Variants in RHOJ observed in about 807,000 individuals in gnomAD.
RHOJ encodes the protein ras homolog family member J, also known as rho-related GTP-binding protein RhoJ.
A neutral mutation model predicts 23.4 loss-of-function variants in RHOJ; 11 were observed. That is an observed-to-expected ratio of 0.47 (90% CI 0.30 to 0.78). The LOEUF is 0.78. Ranked by LOEUF, RHOJ falls within the 30% of genes least tolerant of loss-of-function variation. The pLI, the probability that RHOJ is intolerant of heterozygous loss-of-function variation, is 0.08. For synonymous variants in RHOJ, 102 were observed against 102.7 expected (o/e 0.99, Z 0.04); for missense variants, 254 against 273.4 (o/e 0.93, Z 0.50).
chr14:63,292,816 T>G lies in RHOJ; in HGVS notation c.*1792T>G, dbSNP rs1437763594. 1 of 152,028 alleles carries G rather than the reference T, an allele frequency of 6.6e-6. No homozygotes were observed. Among genetic ancestry groups the G allele is most frequent in the African/African-American group, 2.4e-5 (1 of 41,360 alleles). The allele number at this position is 152,028 out of a possible 1,614,324, so 9.4% of individuals were successfully genotyped here. A position where few individuals can be genotyped will look rare whatever the true frequency, so the allele number is the denominator to read the frequency against. Reference sequence around the variant, plus strand: ...AAAATTAAAAATTAGTCAGTTGTAGTGACACATACCTGTAGTCCCAGCTAC... The same window carrying G: ...AAAATTAAAAATTAGTCAGTTGTAGGGACACATACCTGTAGTCCCAGCTAC... On this transcript the variant is annotated 3_prime_UTR_variant, in exon 5 of 5. Transcript: ENST00000316754.
At chr14:63,241,356 C>T (rs1388946336) in intron 1 of RHOJ, among the ~76,000 whole-genome samples, 1 of 152,108 alleles carries the variant, frequency 6.6e-6, no homozygotes, top group African/African-American at 2.4e-5. Context: ...GGCACAGAGA[C>T]AGGGAGAGAG....
In RHOJ at chr14:63,291,608, A is replaced by T. The variant is rs897948761; in HGVS notation, c.*584A>T. The T allele has an allele frequency of 6.3e-6, 1 of 158,540 alleles. No homozygotes were observed. Among genetic ancestry groups the T allele is most frequent in the African/African-American group, 2.4e-5 (1 of 41,464 alleles). 9.8% of individuals were successfully genotyped at this position (158,540 alleles called of 1,614,324 possible). A position where few individuals can be genotyped will look rare whatever the true frequency, so the allele number is the denominator to read the frequency against. On this transcript the variant is annotated 3_prime_UTR_variant, in exon 5 of 5. Coordinates refer to ENST00000316754, the MANE Select transcript of RHOJ (RefSeq NM_020663.5). ...TCATTTCTATTTTCAGCATGTTTCT[A>T]CCAAAGCTATTAGAACCAACACGTA...
intron 1 of RHOJ, among the ~76,000 whole-genome samples, chr14:63,260,242 G>C (rs910682818): frequency 6.6e-6 from 1 of 152,194 alleles, no homozygotes; most frequent in South Asian, 2.1e-4. Context: ...TGGAAAGCAA[G>C]TATAGGTAGA....
intron 1 of RHOJ, among the ~76,000 whole-genome samples, chr14:63,218,097 A>G (rs1207186669): frequency 2.0e-5 from 3 of 152,166 alleles, no homozygotes; most frequent in Non-Finnish European, 4.4e-5. Context: ...ATAAATCTCC[A>G]TTCAATTATC....
At chr14:63,280,902 T>C in intron 2 of RHOJ, 69 bp from the exon 3 acceptor site, 1 of 1,459,208 alleles carries the variant, frequency 6.9e-7, no homozygotes, top group Non-Finnish European at 9.2e-7. Context: ...TTACCTGAAA[T>C]CTGACCTTGG....
At chr14:63,254,195 G>T (rs541145581) in intron 1 of RHOJ, among the ~76,000 whole-genome samples, 1 of 152,318 alleles carries the variant, frequency 6.6e-6, no homozygotes, top group South Asian at 2.1e-4. Flanking sequence ...CTATCTTGGA[G>T]TGAGCCCAAG....
intron 1 of RHOJ, among the ~76,000 whole-genome samples, chr14:63,206,552 T>A (rs1470518158): frequency 6.6e-6 from 1 of 152,088 alleles, no homozygotes; most frequent in Non-Finnish European, 1.5e-5. Context: ...AACTTTTAAA[T>A]CAAAGGCGGA....
intron 2 of RHOJ, among the ~76,000 whole-genome samples, chr14:63,269,778 G>A (rs1057169709): frequency 4.6e-5 from 7 of 152,200 alleles, no homozygotes; most frequent in African/African-American, 1.7e-4. Flanking sequence ...TCAAGTTGGA[G>A]AAACTGGCCC....
chr14:63,222,044 A>G (rs1225719604), intron 1 of RHOJ, among the ~76,000 whole-genome samples: 1 of 139,834 alleles, frequency 7.2e-6, no homozygotes, highest in Admixed American at 7.9e-5. Context: ...TCATTGTTCA[A>G]TTCCCACCTA....
intron 1 of RHOJ, among the ~76,000 whole-genome samples, chr14:63,221,158 G>A (rs369792598): frequency 4.8e-4 from 73 of 152,124 alleles, no homozygotes; most frequent in African/African-American, 1.5e-3. Context: ...AGGAGACCCC[G>A]TCTCTACAAA....
intron 1 of RHOJ, among the ~76,000 whole-genome samples, chr14:63,242,572 A>G (rs759264159): frequency 7.2e-5 from 11 of 152,176 alleles, no homozygotes; most frequent in Non-Finnish European, 1.6e-4. Context: ...TCAAAAAAGA[A>G]AAAAGGGGGC....
At chr14:63,231,862 C>T (rs1167900299) in intron 1 of RHOJ, among the ~76,000 whole-genome samples, 1 of 152,290 alleles carries the variant, frequency 6.6e-6, no homozygotes, top group African/African-American at 2.4e-5. Flanking sequence ...ACTATATTTT[C>T]TTTGGCTATG....
rs780637804 is a variant in RHOJ at position 63,204,918 on chromosome 14, G to C, written c.49G>C (p.Asp17His). ...TDSSCGCRGNDEKKMLKCVVV... is the reference protein window; with the variant it reads ...TDSSCGCRGNHEKKMLKCVVV... ...CAGCAGCTGCGGCTGCAGGGGCAACGACGAGAAGAAGATGTTGAAGTGTGT... is the reference window on the plus strand; with the variant it reads ...CAGCAGCTGCGGCTGCAGGGGCAACCACGAGAAGAAGATGTTGAAGTGTGT... The change falls in exon 1 of 5, where the codon GAC becomes CAC. Residue 17 changes from aspartate (D) to histidine (H), a missense_variant. Asp to His is a moderately conservative substitution (Grantham distance 81). Coordinates refer to ENST00000316754, the MANE Select transcript of RHOJ (RefSeq NM_020663.5). 6.2e-7 allele frequency: 1 copy of C among 1,614,156 alleles called. No homozygotes were observed. Among genetic ancestry groups the C allele is most frequent in the South Asian group, 1.1e-5 (1 of 91,078 alleles).
intron 1 of RHOJ, among the ~76,000 whole-genome samples, chr14:63,262,493 C>T (rs1424066585): frequency 6.6e-6 from 1 of 152,184 alleles, no homozygotes; most frequent in Non-Finnish European, 1.5e-5. Context: ...ACTTTTCACA[C>T]TTTATTGAGA....
At chr14:63,229,068 G>T (rs961574731) in intron 1 of RHOJ, among the ~76,000 whole-genome samples, 5 of 152,144 alleles carry the variant, frequency 3.3e-5, no homozygotes, top group African/African-American at 4.8e-5. Context: ...TAAGCATCTG[G>T]CATGGTGCCT....
chr14:63,214,512 C>G lies in RHOJ; in HGVS notation c.178+9465C>G, dbSNP rs566453403. Among the ~76,000 whole-genome samples the G allele has an allele frequency of 1.4e-4, 21 of 152,206 alleles. No homozygotes were observed. The South Asian group carries it at 3.9e-3, about 29-fold the overall frequency. On this transcript the variant is annotated intron_variant, in intron 1 of 4. Transcript: ENST00000316754. ...CTTGACTTGGGAGTTTCCAGCAGATCGTATCAAACAGAAAAGGCCTTTAGT... is the reference window on the plus strand; with the variant it reads ...CTTGACTTGGGAGTTTCCAGCAGATGGTATCAAACAGAAAAGGCCTTTAGT...
At chr14:63,246,815 A>G (rs1320513111) in intron 1 of RHOJ, among the ~76,000 whole-genome samples, 1 of 152,178 alleles carries the variant, frequency 6.6e-6, no homozygotes, top group East Asian at 1.9e-4. Context: ...ATCTAAACGT[A>G]GAAGTGACGA....
intron 1 of RHOJ, among the ~76,000 whole-genome samples, chr14:63,223,386 A>G (rs1030255304): frequency 2.6e-5 from 4 of 152,182 alleles, no homozygotes; most frequent in African/African-American, 7.2e-5. Flanking sequence ...ACATTTACAC[A>G]TGACATGTTT....
chr14:63,248,688 GC>G (rs939770848), intron 1 of RHOJ, among the ~76,000 whole-genome samples: 3 of 152,196 alleles, frequency 2.0e-5, no homozygotes, highest in African/African-American at 7.2e-5. Context: ...GCATGGTGGA[GC>G]CACAGAATGA....
Sources: allele counts gnomAD v4.1 joint callset (sites outside exome capture counted in the v4.1 genomes callset), GRCh38; gene constraint gnomAD v4.1.1; transcripts MANE v1.5; gene names NCBI Gene and HGNC (gene_info 2026-07-23, HGNC 2026-07-21).